Variants in PCNP observed in about 807,000 individuals in gnomAD.
PCNP encodes the protein PEST proteolytic signal containing nuclear protein, also known as PEST proteolytic signal-containing nuclear protein.
In PCNP, 6 loss-of-function variants were observed where a neutral mutation model predicts 21.8. The observed-to-expected ratio is 0.28, with a 90% CI of 0.15 to 0.54. The LOEUF (loss-of-function observed/expected upper bound fraction) is 0.54, where lower values mean the gene tolerates loss of function less well. PCNP is among the 20% of genes least tolerant of loss of function. The probability of loss-of-function intolerance (pLI) is 0.95; values close to 1 mark genes in which losing one functional copy is unlikely to be tolerated. For missense variants in PCNP, 161 were observed against 215.5 expected, an observed-to-expected ratio of 0.75 and a Z score of 1.58; for synonymous variants, 67 against 73.2, an observed-to-expected ratio of 0.92 and a Z score of 0.43.
At chr3:101,576,954 A>C in intron 1 of PCNP, 1 of 1,378,526 alleles carries the variant, frequency 7.3e-7, no homozygotes, top group Non-Finnish European at 1.0e-6. Flanking sequence ...ACATGGCGGC[A>C]GCACAAGCGG....
intron 1 of PCNP, among the ~76,000 whole-genome samples, chr3:101,576,307 G>T (rs1043012930): frequency 1.3e-5 from 2 of 150,706 alleles, no homozygotes; most frequent in Admixed American, 1.3e-4. Context: ...TGACCTGGGC[G>T]CACTGCAAAC....
At chr3:101,590,451 A>G (rs996205261) in intron 4 of PCNP, among the ~76,000 whole-genome samples, 181 bp downstream of exon 4, 27 of 152,378 alleles carry the variant, frequency 1.8e-4, no homozygotes, top group Middle Eastern at 3.4e-3. Flanking sequence ...ACATGGTTCA[A>G]TCCTCATGAA....
intron 2 of PCNP, among the ~76,000 whole-genome samples, chr3:101,584,631 C>T (rs1935403409): frequency 6.6e-6 from 1 of 152,066 alleles, no homozygotes; most frequent in Admixed American, 6.6e-5. Flanking sequence ...GTGGCGTGAT[C>T]TCACCTCACT....
intron 3 of PCNP, among the ~76,000 whole-genome samples, chr3:101,588,788 T>G (rs1483025930): frequency 6.6e-6 from 1 of 152,242 alleles, no homozygotes; most frequent in East Asian, 1.9e-4. Flanking sequence ...CGTTTCTTAC[T>G]TTTGGCACAA....
chr3:101,588,803 C>T (rs1026853092), intron 3 of PCNP, among the ~76,000 whole-genome samples: 16 of 152,160 alleles, frequency 1.1e-4, no homozygotes, highest in African/African-American at 3.6e-4. Flanking sequence ...GCACAAATAC[C>T]ACAAAAGTGA....
intron 1 of PCNP, among the ~76,000 whole-genome samples, chr3:101,578,506 G>A (rs776568989): frequency 1.3e-5 from 2 of 152,112 alleles, no homozygotes; most frequent in African/African-American, 2.4e-5. Context: ...TGTCTCTTAG[G>A]GAAATCCCAA....
intron 2 of PCNP, among the ~76,000 whole-genome samples, chr3:101,583,185 G>A (rs1352473220): frequency 6.6e-6 from 1 of 152,118 alleles, no homozygotes; most frequent in Non-Finnish European, 1.5e-5. Flanking sequence ...GGCTGGGCGC[G>A]GTGGCTCAGG....
intron 2 of PCNP, 70 bp from the exon 3 acceptor site, chr3:101,585,367 T>C (rs1352626606): frequency 5.7e-6 from 5 of 884,238 alleles, no homozygotes; most frequent in Non-Finnish European, 5.4e-6. Flanking sequence ...AGATAAATTA[T>C]TCATATCATT....
intron 4 of PCNP, among the ~76,000 whole-genome samples, chr3:101,592,012 G>A (rs1935836057): frequency 6.6e-6 from 1 of 151,974 alleles, no homozygotes; most frequent in Admixed American, 6.6e-5. Context: ...TAAAACTGCA[G>A]TGGTTGCCAC....
rs1296634632 is a variant in PCNP at position 101,574,212 on chromosome 3, G to A, written c.-4G>A. The A allele has an allele frequency of 1.3e-6, 2 of 1,549,508 alleles. No homozygotes were observed. Among genetic ancestry groups the A allele is most frequent in the African/African-American group, 1.4e-5 (1 of 72,924 alleles). On this transcript the variant is annotated 5_prime_UTR_variant, in exon 1 of 5. Coordinates refer to ENST00000265260, the MANE Select transcript of PCNP (RefSeq NM_020357.3). ...TGGCTGCAGGGGAGGCCGCGGCGGGGAAAATGGCGGACGGGAAGGCGGGAG... is the reference window on the plus strand; with the variant it reads ...TGGCTGCAGGGGAGGCCGCGGCGGGAAAAATGGCGGACGGGAAGGCGGGAG...
chr3:101,575,261 T>A (rs879483689), intron 1 of PCNP, among the ~76,000 whole-genome samples: 1 of 152,206 alleles, frequency 6.6e-6, no homozygotes, highest in Non-Finnish European at 1.5e-5. Flanking sequence ...CCGAAATTAT[T>A]TAATATGAGA....
rs752125201 is a variant in PCNP, at chr3:101,593,786, T to C, written c.*1033T>C. The C allele has an allele frequency of 6.6e-6, 1 of 152,654 alleles. No homozygotes were observed. Among genetic ancestry groups the C allele is most frequent in the Non-Finnish European group, 1.5e-5 (1 of 68,022 alleles). The allele number at this position is 152,654 out of a possible 1,614,324, so 9.5% of individuals were successfully genotyped here. A position where few individuals can be genotyped will look rare whatever the true frequency, so the allele number is the denominator to read the frequency against. On this transcript the variant is annotated 3_prime_UTR_variant, in exon 5 of 5. Transcript: ENST00000265260. ...GTAAAATTATATGGTTTATTTTAAA[T>C]GCGTACATATTGACCAATGGCCTCT...
At position 101,575,151 on chromosome 3, in the gene PCNP, C is replaced by T. The variant is rs1386022867; in HGVS notation, c.64+872C>T. On this transcript the variant is annotated intron_variant, in intron 1 of 4. Transcript: ENST00000265260. Reference sequence around the variant, plus strand: ...CGTAATCTCTCCAGCTCCCTCTTTGCACATAACAAGACAAGTGACTTAACA... The same window carrying T: ...CGTAATCTCTCCAGCTCCCTCTTTGTACATAACAAGACAAGTGACTTAACA... Among the ~76,000 whole-genome samples the T allele has an allele frequency of 2.6e-5, 4 of 152,172 alleles. No individual in the cohort carries two copies. The East Asian group carries it at 7.7e-4, about 29-fold the overall frequency.
At chr3:101,586,170 CAAAAAAAAA>C (rs10529220) in intron 3 of PCNP, among the ~76,000 whole-genome samples, 18,390 of 97,544 alleles carry the variant, frequency 0.19, 1,386 homozygotes, top group South Asian at 0.26. Context: ...GTCTCTGTCT[CAAAAAAAAA>C]AAAAAAAAAA....
intron 1 of PCNP, chr3:101,576,489 T>C (rs145409613): frequency 6.9e-6 from 11 of 1,590,240 alleles, no homozygotes; most frequent in Middle Eastern, 2.3e-4. Flanking sequence ...GCCTACAGAC[T>C]TATTTCTTCT....
At chr3:101,578,436 T>C (rs1935045641) in intron 1 of PCNP, among the ~76,000 whole-genome samples, 1 of 152,256 alleles carries the variant, frequency 6.6e-6, no homozygotes, top group Admixed American at 6.5e-5. Context: ...TCAGGTGCTT[T>C]TGTGATTTTA....
At chr3:101,584,963 C>T (rs1052214746) in intron 2 of PCNP, among the ~76,000 whole-genome samples, 4 of 152,116 alleles carry the variant, frequency 2.6e-5, no homozygotes, top group Non-Finnish European at 5.9e-5. Flanking sequence ...AAGATTATGC[C>T]GCTGCACTCC....
chr3:101,574,411 A>T, intron 1 of PCNP, 132 bp downstream of exon 1: 1 of 1,161,800 alleles, frequency 8.6e-7, no homozygotes, highest in South Asian at 1.8e-5. Flanking sequence ...TTGGGCCCAG[A>T]CCTGCCTCGG....
At chr3:101,578,566 A>C (rs1303057292) in intron 1 of PCNP, among the ~76,000 whole-genome samples, 2 of 152,040 alleles carry the variant, frequency 1.3e-5, no homozygotes, top group Non-Finnish European at 2.9e-5. Flanking sequence ...TACAACTTTT[A>C]CTCCTTGTCC....
Sources: allele counts gnomAD v4.1 joint callset (sites outside exome capture counted in the v4.1 genomes callset), GRCh38; gene constraint gnomAD v4.1.1; transcripts MANE v1.5; gene names NCBI Gene and HGNC (gene_info 2026-07-23, HGNC 2026-07-21).